Variants in NLRP14 observed in about 807,000 individuals in gnomAD.
NLRP14 encodes NLR family pyrin domain containing 14.
A neutral mutation model predicts 94.7 loss-of-function variants in NLRP14; 105 were observed. The observed-to-expected ratio is 1.11, with a 90% CI of 0.95 to 1.30. The LOEUF (loss-of-function observed/expected upper bound fraction) is 1.30, where lower values mean the gene tolerates loss of function less well. Ranked by LOEUF, NLRP14 falls within the 50% of genes most tolerant of loss-of-function variation. The pLI, the probability that NLRP14 is intolerant of heterozygous loss-of-function variation, is 0.00. For missense variants in NLRP14, 1,362 were observed against 1,254.1 expected, an observed-to-expected ratio of 1.09 and a Z score of -1.30; for synonymous variants, 508 against 459.9, an observed-to-expected ratio of 1.10 and a Z score of -1.34.
chr11:7,033,656 G>A (rs1406729055), intron 1 of NLRP14, among the ~76,000 whole-genome samples: 2 of 152,146 alleles, frequency 1.3e-5, no homozygotes, highest in East Asian at 1.9e-4. Context: ...CATATTCCCT[G>A]TAAACATTTT....
chr11:7,089,318 C>T, the NLRP14 span: 3 of 1,607,042 alleles, frequency 1.9e-6, no homozygotes, highest in Non-Finnish European at 2.5e-6. Context: ...AGGCCGCCGC[C>T]AGAGACATGA....
At chr11:7,063,343 G>T (rs1355278091) in intron 10 of NLRP14, among the ~76,000 whole-genome samples, 6 of 152,054 alleles carry the variant, frequency 3.9e-5, no homozygotes, top group Non-Finnish European at 7.4e-5. Context: ...TAGCATGTTT[G>T]CGTCAGTTCC....
At chr11:7,055,642 A>G (rs1044740340) in intron 6 of NLRP14, among the ~76,000 whole-genome samples, 2 of 152,066 alleles carry the variant, frequency 1.3e-5, no homozygotes, top group Non-Finnish European at 2.9e-5. Context: ...GGCTCAACTC[A>G]TAAAGAAAGC....
Position 7,043,722 on chromosome 11 carries a change from G to A in NLRP14, c.1696G>A (p.Val566Ile), listed in dbSNP as rs1411420947. Reference protein sequence around the residue: ...IKSKLLQCMEVLGNSDYSPSQ... With the variant: ...IKSKLLQCMEILGNSDYSPSQ... Reference sequence around the variant, plus strand: ...ATCAAAGTTACTTCAGTGTATGGAAGTATTAGGAAACAGTGACTATTCTCC... The same window carrying A: ...ATCAAAGTTACTTCAGTGTATGGAAATATTAGGAAACAGTGACTATTCTCC... The change falls in exon 4 of 12, where the codon GTA becomes ATA. Residue 566 changes from valine to isoleucine, a missense_variant. Physicochemically the swap from Val to Ile is conservative, Grantham distance 29. Transcript: ENST00000299481. The A allele has an allele frequency of 2.5e-6, 4 of 1,614,106 alleles. No individual in the cohort carries two copies. The highest frequency in any genetic ancestry group is 1.7e-5 in the Admixed American group (1 of 60,030).
In NLRP14 at chr11:7,043,091, A is replaced by C; in HGVS notation, c.1065A>C (p.Ser355=). ...DKRWAMKVFS[S]LKSNEMLFSM... The stretch of plus-strand genomic sequence containing the variant: ...GGTGGGCCATGAAAGTATTCAGTTC[A>C]CTAAAAAGCAATGAGATGCTGTTTA... Residue 355 remains serine, a synonymous_variant, in exon 4 of 12, where the codon TCA becomes TCC. Coordinates refer to ENST00000299481, the MANE Select transcript of NLRP14 (RefSeq NM_176822.4). 6.2e-7 allele frequency: 1 copy of C among 1,614,182 alleles called. No homozygotes were observed. The highest frequency in any genetic ancestry group is 8.5e-7 in the Non-Finnish European group (1 of 1,180,030).
chr11:7,088,696 A>T, the NLRP14 span, among the ~76,000 whole-genome samples: 1 of 134,562 alleles, frequency 7.4e-6, no homozygotes. Context: ...TTAGTAATTT[A>T]AAAAATTCAT....
At chr11:7,047,575 G>A (rs890788309) in intron 5 of NLRP14, among the ~76,000 whole-genome samples, 9 of 151,870 alleles carry the variant, frequency 5.9e-5, no homozygotes, top group Non-Finnish European at 1.0e-4. Flanking sequence ...TAAAGTGCTG[G>A]GATTACAGGC....
the NLRP14 span, among the ~76,000 whole-genome samples, chr11:7,088,029 T>C: frequency 9.6e-4 from 146 of 152,290 alleles, no homozygotes; most frequent in African/African-American, 3.3e-3. Flanking sequence ...TCCACAATTA[T>C]GGTAAATTTT....
the NLRP14 span, chr11:7,090,042 T>C: frequency 6.2e-7 from 1 of 1,612,662 alleles, no homozygotes; most frequent in Non-Finnish European, 8.5e-7. Flanking sequence ...AGGAGGCCGC[T>C]ACGAGGAGTA....
At chr11:7,070,501 G>GT in intron 11 of NLRP14, 45 bp downstream of exon 11, 1 of 1,397,220 alleles carries the variant, frequency 7.2e-7, no homozygotes, top group Non-Finnish European at 1.0e-6. Flanking sequence ...CCTATAATGA[G>GT]GGATTTGGGG....
intron 10 of NLRP14, among the ~76,000 whole-genome samples, chr11:7,064,713 C>G (rs1589873086): frequency 6.6e-6 from 1 of 152,236 alleles, no homozygotes; most frequent in South Asian, 2.1e-4. Context: ...TATACCAATT[C>G]TATATTATCT....
At chr11:7,042,290 T>C in intron 3 of NLRP14, 98 bp from the exon 4 acceptor site, 4 of 969,146 alleles carry the variant, frequency 4.1e-6, no homozygotes, top group South Asian at 1.4e-5. Flanking sequence ...TTCTTGTTCC[T>C]AATTCCAAGT....
At chr11:7,040,213 AG>A (rs993194385) in intron 3 of NLRP14, among the ~76,000 whole-genome samples, 2 of 152,140 alleles carry the variant, frequency 1.3e-5, no homozygotes, top group African/African-American at 4.8e-5. Context: ...TAGTTAACAC[AG>A]GGGTCCCCAA....
intron 7 of NLRP14, 60 bp from the exon 8 acceptor site, chr11:7,058,220 G>A (rs1286376217): frequency 2.0e-5 from 28 of 1,424,718 alleles, no homozygotes; most frequent in Non-Finnish European, 2.6e-5. Context: ...CCCTGTGAAG[G>A]AGAAGAGAAG....
At chr11:7,056,874 T>C (rs1430909432) in intron 6 of NLRP14, among the ~76,000 whole-genome samples, 2 of 152,050 alleles carry the variant, frequency 1.3e-5, no homozygotes, top group Non-Finnish European at 2.9e-5. Context: ...CCTTAGGCCA[T>C]GTTCTAGGTC....
At position 7,060,068 on chromosome 11, in the gene NLRP14, G is replaced by A. The variant is rs761536222; in HGVS notation, c.2804+4G>A. The A allele has an allele frequency of 1.2e-6, 2 of 1,611,632 alleles. No individual in the cohort carries two copies. Among genetic ancestry groups the A allele is most frequent in the South Asian group, 2.2e-5 (2 of 91,042 alleles). On this transcript the variant is annotated splice_donor_region_variant and intron_variant, in intron 9 of 11. Coordinates refer to ENST00000299481, the MANE Select transcript of NLRP14 (RefSeq NM_176822.4). ...GCTGTAATCTTCAGGACTTGGAGTA[G>A]GTTTTCTGTTGCTTTACTTTTGTGT...
At chr11:7,056,599 A>G (rs997130104) in intron 6 of NLRP14, among the ~76,000 whole-genome samples, 3 of 150,916 alleles carry the variant, frequency 2.0e-5, no homozygotes, top group African/African-American at 7.3e-5. Context: ...TTTAATATTT[A>G]TATCTACAGT....
chr11:7,038,460 A>T, intron 1 of NLRP14, 106 bp from the exon 2 acceptor site: 1 of 948,892 alleles, frequency 1.1e-6, no homozygotes, highest in Non-Finnish European at 1.7e-6. Flanking sequence ...GGGCTTCTGC[A>T]AATGTTTGTT....
intron 1 of NLRP14, among the ~76,000 whole-genome samples, chr11:7,022,737 C>T (rs1288890330): frequency 1.3e-5 from 2 of 152,154 alleles, no homozygotes; most frequent in Admixed American, 6.5e-5. Context: ...AGATACCCAA[C>T]TAGAATTCCT....
Sources: allele counts gnomAD v4.1 joint callset (sites outside exome capture counted in the v4.1 genomes callset), GRCh38; gene constraint gnomAD v4.1.1; transcripts MANE v1.5; gene names NCBI Gene and HGNC (gene_info 2026-07-23, HGNC 2026-07-21).